Variants in FLVCR2 observed in about 807,000 individuals in gnomAD.
The protein encoded by FLVCR2 is FLVCR choline and putative heme transporter 2.
A neutral mutation model predicts 48.9 loss-of-function variants in FLVCR2; 38 were observed. That is an observed-to-expected ratio of 0.78 (90% confidence interval 0.60 to 1.02). FLVCR2 has a LOEUF of 1.02. Ranked by LOEUF, FLVCR2 falls within the 50% of genes least tolerant of loss-of-function variation. The probability of loss-of-function intolerance (pLI) is 0.00; values close to 1 mark genes in which losing one functional copy is unlikely to be tolerated. For synonymous variants in FLVCR2, 255 were observed against 257.0 expected, an observed-to-expected ratio of 0.99 and a Z score of 0.07; for missense variants, 664 against 663.3, an observed-to-expected ratio of 1.00 and a Z score of -0.01.
intron 1 of FLVCR2, among the ~76,000 whole-genome samples, chr14:75,588,222 G>A (rs970494961): frequency 5.3e-5 from 8 of 152,204 alleles, no homozygotes; most frequent in South Asian, 4.1e-4. Context: ...CAGTTTGAGA[G>A]GCTGGGCAGT....
Position 75,592,155 on chromosome 14 carries a change from A to G in FLVCR2, c.669+12514A>G, listed in dbSNP as rs371923963. 6.6e-4 allele frequency among the ~76,000 whole-genome samples: 100 copies of G among 152,106 alleles called. 1 individual carries two copies. Among genetic ancestry groups the G allele is most frequent in the Middle Eastern group, 6.8e-3 (2 of 292 alleles). Reference sequence around the variant, plus strand: ...CTGCTCCCAGGCTTGCTGATACATCATCTGAAATCTAGGTGGAAGCTGCCA... The same window carrying G: ...CTGCTCCCAGGCTTGCTGATACATCGTCTGAAATCTAGGTGGAAGCTGCCA... On this transcript the variant is annotated intron_variant, in intron 1 of 9. Coordinates refer to ENST00000238667, the MANE Select transcript of FLVCR2 (RefSeq NM_017791.3).
intron 1 of FLVCR2, among the ~76,000 whole-genome samples, chr14:75,615,949 C>A (rs567962742): frequency 7.5e-6 from 1 of 134,160 alleles, no homozygotes; most frequent in Non-Finnish European, 1.5e-5. Context: ...ATGGCATGAA[C>A]CCGGGAGATG....
At position 75,578,636 on chromosome 14, in the gene FLVCR2, G is replaced by C. The variant is rs1457595179; in HGVS notation, c.-337G>C. ...TGGCCCGGGAGAGGACTCTGCGGGC[G>C]AAGTGGCTGCGCAAGGAGAGAACTT... On this transcript the variant is annotated 5_prime_UTR_variant, in exon 1 of 10. Coordinates refer to ENST00000238667, the MANE Select transcript of FLVCR2 (RefSeq NM_017791.3). The C allele has an allele frequency of 1.0e-5, 4 of 398,184 alleles. No homozygotes were observed. The highest frequency in any genetic ancestry group is 1.9e-5 in the Non-Finnish European group (4 of 212,734). The allele number at this position is 398,184 out of a possible 1,614,324, so 24.7% of individuals were successfully genotyped here. A position where few individuals can be genotyped will look rare whatever the true frequency, so the allele number is the denominator to read the frequency against.
At chr14:75,632,680 C>T in intron 3 of FLVCR2, 1 of 702,378 alleles carries the variant, frequency 1.4e-6, no homozygotes, top group Admixed American at 2.0e-5. Context: ...GACTTACACC[C>T]TTCCAAGTAA....
At position 75,579,201 on chromosome 14, in the gene FLVCR2, G is replaced by A. The variant is rs747609883; in HGVS notation, c.229G>A (p.Val77Met). ...PSSSGPEDLS[V>M]IKVSRRRWAV... ...TAGCTCGGGCCCTGAGGACCTCAGC[G>A]TGATCAAGGTGAGCAGGCGCCGTTG... is the stretch of plus-strand genomic sequence containing the variant. Residue 77 changes from valine to methionine, a missense_variant, in exon 1 of 10, where the codon GTG becomes ATG. By Grantham distance (21) the Val-to-Met change is conservative (BLOSUM62 1). Coordinates refer to ENST00000238667, the MANE Select transcript of FLVCR2 (RefSeq NM_017791.3). 4.3e-6 allele frequency: 7 copies of A among 1,614,160 alleles called. No homozygotes were observed. Among genetic ancestry groups the A allele is most frequent in the Non-Finnish European group, 5.1e-6 (6 of 1,180,032 alleles).
chr14:75,588,418 A>G (rs1417509903), intron 1 of FLVCR2, among the ~76,000 whole-genome samples: 1 of 152,148 alleles, frequency 6.6e-6, no homozygotes, highest in Non-Finnish European at 1.5e-5. Flanking sequence ...TCACCTCTTA[A>G]AGGTCTCATG....
chr14:75,588,723 C>G (rs547074342), intron 1 of FLVCR2, among the ~76,000 whole-genome samples: 1 of 152,272 alleles, frequency 6.6e-6, no homozygotes, highest in East Asian at 1.9e-4. Context: ...AAGTGATCCC[C>G]CTGCCTCGGC....
At chr14:75,585,568 C>T (rs1888723036) in intron 1 of FLVCR2, among the ~76,000 whole-genome samples, 1 of 152,076 alleles carries the variant, frequency 6.6e-6, no homozygotes, top group Admixed American at 6.6e-5. Flanking sequence ...GGGTGGGGAG[C>T]AGCCCTGGGC....
chr14:75,602,114 G>A (rs567144044), intron 1 of FLVCR2, among the ~76,000 whole-genome samples: 5 of 152,218 alleles, frequency 3.3e-5, no homozygotes, highest in African/African-American at 1.2e-4. Flanking sequence ...GGATTGTGGA[G>A]CTTCCAAGCC....
At position 75,639,420 on chromosome 14, in the gene FLVCR2, T is replaced by C; in HGVS notation, c.1193T>C (p.Leu398Pro). The change falls in exon 6 of 10, where the codon CTG becomes CCG. Residue 398 changes from leucine to proline, a missense_variant. Leu to Pro is a moderately conservative substitution (Grantham distance 98, BLOSUM62 -3). Transcript: ENST00000238667. The stretch of plus-strand genomic sequence containing the variant: ...GTGGTGTACACGTTTACCTTGAACC[T>C]GGGACACCTGTGGGTAGTGTTCATC... ...GMVVYTFTLNLGHLWVVFITA... is the reference protein window; with the variant it reads ...GMVVYTFTLNPGHLWVVFITA... 2 of 1,613,982 alleles carry C rather than the reference T, an allele frequency of 1.2e-6. No homozygotes were observed. The highest frequency in any genetic ancestry group is 4.5e-5 in the East Asian group (2 of 44,890).
At position 75,579,044 on chromosome 14, in the gene FLVCR2, C is replaced by CCCCAGCGTCTCGGTCCAT. The variant is rs548569935; in HGVS notation, c.102_119dup (p.Val35_Ser40dup). On this transcript the variant is annotated inframe_insertion, in exon 1 of 10. Transcript: ENST00000238667. ...TGCCGGAGTCCGCACTCCAAGCGGACCCCAGCGTCTCGGTCCATCCCAGCG... is the reference window on the plus strand; with the variant it reads ...TGCCGGAGTCCGCACTCCAAGCGGACCCCAGCGTCTCGGTCCATCCCAGCGTCTCGGTCCATCCCAGCG... The CCCCAGCGTCTCGGTCCAT allele has an allele frequency of 1.9e-5, 30 of 1,613,322 alleles. No homozygotes were observed. The highest frequency in any genetic ancestry group is 1.3e-4 in the Admixed American group (8 of 59,980).
chr14:75,627,114 G>A (rs1889917298), intron 3 of FLVCR2, among the ~76,000 whole-genome samples: 1 of 151,858 alleles, frequency 6.6e-6, no homozygotes, highest in Admixed American at 6.5e-5. Context: ...GCCATGCTGT[G>A]GGGAGCAAAG....
At chr14:75,631,192 C>A (rs923170172) in intron 3 of FLVCR2, among the ~76,000 whole-genome samples, 1 of 152,318 alleles carries the variant, frequency 6.6e-6, no homozygotes, top group Non-Finnish European at 1.5e-5. Context: ...TTCCTTCCCT[C>A]TCGCCGCCCT....
intron 3 of FLVCR2, among the ~76,000 whole-genome samples, chr14:75,626,222 C>T (rs1889897530): frequency 6.6e-6 from 1 of 152,030 alleles, no homozygotes. Flanking sequence ...AAACTCCTGG[C>T]CTCAGGTGAT....
chr14:75,630,107 C>T (rs1890002975), intron 3 of FLVCR2, among the ~76,000 whole-genome samples: 1 of 152,232 alleles, frequency 6.6e-6, no homozygotes, highest in African/African-American at 2.4e-5. Context: ...GTTTCCCAGA[C>T]TTCCCTGAGG....
At chr14:75,614,471 A>G (rs1163788656) in intron 1 of FLVCR2, among the ~76,000 whole-genome samples, 1 of 152,250 alleles carries the variant, frequency 6.6e-6, no homozygotes, top group East Asian at 1.9e-4. Context: ...AGGATCGTCA[A>G]GGAAAGCTCT....
chr14:75,627,157 T>G (rs924807731), intron 3 of FLVCR2, among the ~76,000 whole-genome samples: 2 of 151,976 alleles, frequency 1.3e-5, no homozygotes, highest in African/African-American at 4.9e-5. Flanking sequence ...CATGCCTGTT[T>G]GCTTACGTGG....
intron 1 of FLVCR2, among the ~76,000 whole-genome samples, chr14:75,596,793 G>A (rs111491831): frequency 1.6e-4 from 11 of 70,476 alleles, no homozygotes; most frequent in South Asian, 5.9e-4. Context: ...CCCCCCCCCC[G>A]CCCCCACATC....
chr14:75,582,794 G>C (rs1030480180), intron 1 of FLVCR2, among the ~76,000 whole-genome samples: 1 of 152,156 alleles, frequency 6.6e-6, no homozygotes, highest in African/African-American at 2.4e-5. Flanking sequence ...GTTTGCTTTT[G>C]TGAGTTTATA....
Sources: gnomAD v4.1 joint callset for allele counts (sites outside exome capture counted in the v4.1 genomes callset) on GRCh38, gnomAD v4.1.1 for gene constraint, MANE v1.5 for transcripts, NCBI Gene and HGNC (gene_info 2026-07-23, HGNC 2026-07-21) for gene names.